GLI3: variants seen among roughly 807,000 people sequenced by gnomAD.
GLI3 encodes the protein transcription activator GLI3.
GLI3 carries 20 observed loss-of-function variants against 100.8 expected under a neutral mutation model. The observed-to-expected ratio is 0.20, with a 90% CI of 0.14 to 0.29. GLI3 has a LOEUF of 0.29. Ranked by LOEUF, GLI3 falls within the 10% of genes least tolerant of loss-of-function variation. The probability of loss-of-function intolerance (pLI) is 1.00; values close to 1 mark genes in which losing one functional copy is unlikely to be tolerated. For synonymous variants in GLI3, 938 were observed against 860.5 expected, an observed-to-expected ratio of 1.09 and a Z score of -1.58; for missense variants, 2,040 against 2,128.5, an observed-to-expected ratio of 0.96 and a Z score of 0.82.
chr7:42,026,156 C>T (rs369778924), intron 8 of GLI3, 43 bp downstream of exon 8: 16 of 1,444,706 alleles, frequency 1.1e-5, no homozygotes, highest in African/African-American at 2.8e-5. Context: ...CCCCCACCCT[C>T]GGCTGACCAG....
intron 3 of GLI3, among the ~76,000 whole-genome samples, chr7:42,140,223 T>A (rs1194893117): frequency 6.6e-6 from 1 of 152,126 alleles, no homozygotes; most frequent in Non-Finnish European, 1.5e-5. Context: ...TCACTCTCTC[T>A]CCCCTGACAG....
intron 1 of GLI3, among the ~76,000 whole-genome samples, chr7:42,225,658 G>A (rs552890930): frequency 2.6e-5 from 4 of 152,344 alleles, no homozygotes; most frequent in Admixed American, 1.3e-4. Context: ...TTGAACAACT[G>A]TTCTACACGT....
At chr7:42,025,474 T>A in intron 8 of GLI3, 97 bp from the exon 9 acceptor site, 1 of 838,280 alleles carries the variant, frequency 1.2e-6, no homozygotes, top group Non-Finnish European at 2.0e-6. Flanking sequence ...CAAGCGGTCT[T>A]ATTTGGCTAT....
chr7:42,168,700 G>A (rs1787297358), intron 2 of GLI3, among the ~76,000 whole-genome samples: 1 of 152,076 alleles, frequency 6.6e-6, no homozygotes, highest in South Asian at 2.1e-4. Flanking sequence ...AGGATCACTT[G>A]AGGCCAGGAA....
chr7:42,242,244 A>C (rs530851158), upstream of GLI3, among the ~76,000 whole-genome samples: 2 of 152,140 alleles, frequency 1.3e-5, no homozygotes, highest in Non-Finnish European at 2.9e-5. Context: ...GCACCAGTAA[A>C]TTTTGCATGC....
chr7:42,113,350 G>A (rs1352036285), intron 3 of GLI3: 13 of 655,106 alleles, frequency 2.0e-5, no homozygotes, highest in Non-Finnish European at 3.1e-5. Context: ...ACGTCCCGTC[G>A]CTGTTGTTGC....
At position 42,023,647 on chromosome 7, in the gene GLI3, G is replaced by A. The variant is rs376473050; in HGVS notation, c.1357-39C>T. On this transcript the variant is annotated intron_variant, in intron 9 of 14. Coordinates refer to ENST00000395925, the MANE Select transcript of GLI3 (RefSeq NM_000168.6). ...GTGGGGGGCAGGGAACAGAGAAGGGGGAAGAATCAGACACAACAGGAGGGA... is the reference window on the plus strand; with the variant it reads ...GTGGGGGGCAGGGAACAGAGAAGGGAGAAGAATCAGACACAACAGGAGGGA... 3.8e-6 allele frequency: 6 copies of A among 1,585,486 alleles called. No individual in the cohort carries two copies. In the African/African-American group the frequency reaches 4.0e-5, roughly 11 times the overall value.
chr7:42,002,724 T>A (rs1422038048), intron 10 of GLI3, among the ~76,000 whole-genome samples: 1 of 152,036 alleles, frequency 6.6e-6, no homozygotes, highest in Non-Finnish European at 1.5e-5. Context: ...ATAAGCAAAA[T>A]CTCATGTCCA....
At chr7:42,242,851 C>T (rs572523574), upstream of GLI3, among the ~76,000 whole-genome samples, 1 of 152,188 alleles carries the variant, frequency 6.6e-6, no homozygotes, top group Admixed American at 6.5e-5. Flanking sequence ...GTGAATACAA[C>T]CTCCTCTATT....
chr7:42,014,863 T>C (rs1349928808), intron 10 of GLI3, among the ~76,000 whole-genome samples: 2 of 152,148 alleles, frequency 1.3e-5, no homozygotes, highest in Admixed American at 6.5e-5. Flanking sequence ...AGTAAACAGG[T>C]AAGATGAACA....
rs144398619 is a variant in GLI3 at position 42,072,663 on chromosome 7, T to C, written c.473+4089A>G. Among the ~76,000 whole-genome samples, 486 of 152,258 alleles carry C rather than the reference T, an allele frequency of 3.2e-3. 3 individuals carry two copies. The highest frequency in any genetic ancestry group is 6.8e-3 in the Middle Eastern group (2 of 294). ...GCCTAGCAGGCATCATTTGTTCCCA[T>C]AGAATACAGTAGTGTCTCCTCGAGT... On this transcript the variant is annotated intron_variant, in intron 4 of 14. Transcript: ENST00000395925.
intron 3 of GLI3, among the ~76,000 whole-genome samples, chr7:42,079,371 C>A (rs1366963382): frequency 2.0e-5 from 3 of 152,176 alleles, no homozygotes; most frequent in South Asian, 2.1e-4. Context: ...GAAAGCCTGA[C>A]ATATACTAGT....
At chr7:42,128,830 G>A (rs1786199754) in intron 3 of GLI3, among the ~76,000 whole-genome samples, 2 of 152,118 alleles carry the variant, frequency 1.3e-5, no homozygotes, top group Admixed American at 1.3e-4. Flanking sequence ...TTATCACCCT[G>A]TGCGGCTGCC....
chr7:41,981,798 C>T (rs539699937), intron 10 of GLI3, among the ~76,000 whole-genome samples: 1 of 152,274 alleles, frequency 6.6e-6, no homozygotes, highest in East Asian at 1.9e-4. Context: ...GTTGAGGGAT[C>T]CGGCACTGAG....
At chr7:42,068,188 GT>G (rs1270458467) in intron 4 of GLI3, among the ~76,000 whole-genome samples, 4 of 152,358 alleles carry the variant, frequency 2.6e-5, no homozygotes, top group African/African-American at 9.6e-5. Context: ...CGCACTTGAT[GT>G]TTTTCAACAC....
At chr7:42,015,249 T>C (rs985809196) in intron 10 of GLI3, among the ~76,000 whole-genome samples, 1 of 152,142 alleles carries the variant, frequency 6.6e-6, no homozygotes, top group Non-Finnish European at 1.5e-5. Context: ...TATCTGGTGT[T>C]CTTCCCATCC....
intron 3 of GLI3, among the ~76,000 whole-genome samples, chr7:42,117,212 G>A (rs1228904697): frequency 6.6e-6 from 1 of 152,218 alleles, no homozygotes; most frequent in Non-Finnish European, 1.5e-5. Flanking sequence ...GGAGGGAGGA[G>A]AGAGAAGAAA....
chr7:42,015,753 A>AC (rs751536263), intron 10 of GLI3, among the ~76,000 whole-genome samples: 26 of 150,456 alleles, frequency 1.7e-4, no homozygotes, highest in Non-Finnish European at 2.4e-4. Context: ...ACACACACCC[A>AC]CCCCCCCACA....
intron 2 of GLI3, among the ~76,000 whole-genome samples, chr7:42,205,919 C>T (rs909184349): frequency 9.2e-5 from 14 of 152,134 alleles, no homozygotes; most frequent in African/African-American, 3.4e-4. Flanking sequence ...TTGCTTCCCA[C>T]AGCCAATATA....
Sources: gnomAD v4.1 joint callset for allele counts (sites outside exome capture counted in the v4.1 genomes callset) on GRCh38, gnomAD v4.1.1 for gene constraint, MANE v1.5 for transcripts, NCBI Gene and HGNC (gene_info 2026-07-23, HGNC 2026-07-21) for gene names.